The following PLCL1 variants were observed in gnomAD, a reference collection of about 807,000 sequenced individuals.
The protein encoded by PLCL1 is phospholipase C like 1 (inactive).
PLCL1 carries 41 observed loss-of-function variants against 84.4 expected under a neutral mutation model. The observed-to-expected ratio is 0.49, with a 90% confidence interval of 0.38 to 0.63. PLCL1 has a LOEUF of 0.63. PLCL1 is among the 30% of genes least tolerant of loss of function. The probability of loss-of-function intolerance (pLI) is 0.00; values close to 1 mark genes in which losing one functional copy is unlikely to be tolerated. For missense variants in PLCL1, 1,206 were observed against 1,367.8 expected (o/e 0.88, Z 1.87); for synonymous variants, 490 against 488.3 (o/e 1.00, Z -0.05).
chr2:198,073,297 T>A (rs1574290508), intron 1 of PLCL1, among the ~76,000 whole-genome samples: 1 of 152,074 alleles, frequency 6.6e-6, no homozygotes, highest in African/African-American at 2.4e-5. Context: ...TGAATGGGGG[T>A]GAGGGAGAGT....
chr2:197,814,680 A>T (rs1049307258), intron 1 of PLCL1, among the ~76,000 whole-genome samples: 1 of 152,156 alleles, frequency 6.6e-6, no homozygotes. Flanking sequence ...CTTTTTTGTC[A>T]GTTAGCCAAG....
At chr2:197,867,471 A>T (rs1012007945) in intron 1 of PLCL1, among the ~76,000 whole-genome samples, 2 of 151,784 alleles carry the variant, frequency 1.3e-5, no homozygotes, top group Non-Finnish European at 2.9e-5. Flanking sequence ...CTCTTCGAGG[A>T]GTACTTGGCA....
intron 1 of PLCL1, among the ~76,000 whole-genome samples, chr2:198,039,118 T>C (rs1574265991): frequency 6.6e-6 from 1 of 152,266 alleles, no homozygotes; most frequent in East Asian, 1.9e-4. Context: ...AGGGTAAACA[T>C]GTCAGGATGT....
intron 1 of PLCL1, among the ~76,000 whole-genome samples, chr2:197,870,719 C>T (rs1365114287): frequency 6.6e-6 from 1 of 152,106 alleles, no homozygotes; most frequent in Non-Finnish European, 1.5e-5. Context: ...ACCTCCAAGT[C>T]CAGCTGCCTT....
At chr2:197,839,703 ATGT>A (rs1371090485) in intron 1 of PLCL1, among the ~76,000 whole-genome samples, 2 of 152,214 alleles carry the variant, frequency 1.3e-5, no homozygotes, top group Non-Finnish European at 2.9e-5. Context: ...ATCAAGTAAA[ATGT>A]TGTTAGAAGA....
At chr2:197,924,027 ATCGCAG>A (rs1392060270) in intron 1 of PLCL1, among the ~76,000 whole-genome samples, 1 of 149,836 alleles carries the variant, frequency 6.7e-6, no homozygotes, top group Non-Finnish European at 1.5e-5. Flanking sequence ...CGTGCCTGCA[ATCGCAG>A]GCACTCGGCA....
chr2:197,969,034 A>G (rs1331875094), intron 1 of PLCL1, among the ~76,000 whole-genome samples: 1 of 152,202 alleles, frequency 6.6e-6, no homozygotes. Flanking sequence ...ATCAGTGGCA[A>G]CATTAGATTT....
chr2:198,111,232 G>T (rs567081737), intron 5 of PLCL1, among the ~76,000 whole-genome samples: 1 of 151,786 alleles, frequency 6.6e-6, no homozygotes, highest in Non-Finnish European at 1.5e-5. Context: ...GGTAAGTAAT[G>T]GTCACTCAGG....
At chr2:197,904,596 G>T (rs1259924864) in intron 1 of PLCL1, among the ~76,000 whole-genome samples, 1 of 152,072 alleles carries the variant, frequency 6.6e-6, no homozygotes, top group African/African-American at 2.4e-5. Flanking sequence ...TGGGTTTCTT[G>T]TGCCATCACA....
chr2:197,844,584 C>A (rs1687084802), intron 1 of PLCL1, among the ~76,000 whole-genome samples: 1 of 151,972 alleles, frequency 6.6e-6, no homozygotes, highest in Non-Finnish European at 1.5e-5. Context: ...TTATAAGGAT[C>A]TTTGTGTTAT....
intron 1 of PLCL1, among the ~76,000 whole-genome samples, chr2:198,000,109 T>G (rs965458001): frequency 6.6e-6 from 1 of 152,190 alleles, no homozygotes; most frequent in Non-Finnish European, 1.5e-5. Flanking sequence ...AATTTTTTTT[T>G]GTACATCTAT....
chr2:197,847,694 G>T (rs755073633), intron 1 of PLCL1, among the ~76,000 whole-genome samples: 1 of 152,112 alleles, frequency 6.6e-6, no homozygotes, highest in Non-Finnish European at 1.5e-5. Flanking sequence ...TATTGCTTTG[G>T]CTCTAATTAT....
At chr2:197,851,103 A>G (rs1359187541) in intron 1 of PLCL1, among the ~76,000 whole-genome samples, 1 of 152,174 alleles carries the variant, frequency 6.6e-6, no homozygotes, top group Non-Finnish European at 1.5e-5. Context: ...GCACTCCCAC[A>G]TGTGTGTGCA....
intron 1 of PLCL1, among the ~76,000 whole-genome samples, chr2:197,895,983 T>A (rs1382154429): frequency 6.6e-6 from 1 of 151,964 alleles, no homozygotes; most frequent in Non-Finnish European, 1.5e-5. Context: ...ACATTATATA[T>A]TATTCTTTGT....
chr2:197,846,804 A>G (rs539363941), intron 1 of PLCL1, among the ~76,000 whole-genome samples: 3 of 152,298 alleles, frequency 2.0e-5, no homozygotes, highest in South Asian at 4.1e-4. Flanking sequence ...TTGTGGTTTT[A>G]TAGTAAATGT....
At chr2:197,966,063 A>G (rs1689726401) in intron 1 of PLCL1, among the ~76,000 whole-genome samples, 1 of 151,960 alleles carries the variant, frequency 6.6e-6, no homozygotes, top group African/African-American at 2.4e-5. Flanking sequence ...GTGTCTAGAA[A>G]TGTCATCTGG....
intron 5 of PLCL1, among the ~76,000 whole-genome samples, 185 bp downstream of exon 5, chr2:198,104,121 G>T (rs1202859177): frequency 6.6e-6 from 1 of 151,816 alleles, no homozygotes; most frequent in Non-Finnish European, 1.5e-5. Flanking sequence ...CTGGAGTGCA[G>T]ATTATTTTGT....
intron 1 of PLCL1, among the ~76,000 whole-genome samples, chr2:198,030,739 G>A (rs923180869): frequency 1.1e-4 from 17 of 152,166 alleles, no homozygotes; most frequent in African/African-American, 4.1e-4. Context: ...AGAGAGCTTA[G>A]TGGAGCAATC....
Position 198,084,784 on chromosome 2 carries a change from A to C in PLCL1, c.1267A>C (p.Arg423=), listed in dbSNP as rs1467149177. 3.1e-6 allele frequency: 5 copies of C among 1,614,002 alleles called. No homozygotes were observed. The highest frequency in any genetic ancestry group is 4.2e-6 in the Non-Finnish European group (5 of 1,179,998). The change falls in exon 2 of 6, where the codon AGG becomes CGG. Residue 423 remains arginine, a synonymous_variant. Coordinates refer to ENST00000428675, the MANE Select transcript of PLCL1 (RefSeq NM_006226.4). ...CACCTATCTAATAGAAGACCAGTTCAGGGGGCCAGCTGACATCAATGGGTA... is the reference window on the plus strand; with the variant it reads ...CACCTATCTAATAGAAGACCAGTTCCGGGGGCCAGCTGACATCAATGGGTA... ...HNTYLIEDQF[R]GPADINGYIR... is the part of the protein sequence containing the mutation.
Sources: gnomAD v4.1 joint callset for allele counts (sites outside exome capture counted in the v4.1 genomes callset) on GRCh38, gnomAD v4.1.1 for gene constraint, MANE v1.5 for transcripts, NCBI Gene and HGNC (gene_info 2026-07-23, HGNC 2026-07-21) for gene names.